KIRREL3: variants seen among roughly 807,000 people sequenced by gnomAD.
The protein encoded by KIRREL3 is kin of IRRE-like protein 3.
A neutral mutation model predicts 89.7 loss-of-function variants in KIRREL3; 36 were observed. The ratio of observed to expected loss-of-function variants is 0.40; its 90% CI spans 0.31 to 0.53. KIRREL3 has a LOEUF of 0.53. KIRREL3 is among the 20% of genes least tolerant of loss of function. The probability of loss-of-function intolerance (pLI) is 0.49; values close to 1 mark genes in which losing one functional copy is unlikely to be tolerated. For synonymous variants in KIRREL3, 445 were observed against 441.4 expected (o/e 1.01, Z -0.10); for missense variants, 864 against 1,056.6 (o/e 0.82, Z 2.53).
Position 126,622,314 on chromosome 11 carries a change from C to T in KIRREL3, c.56-59402G>A, listed in dbSNP as rs1943605228. On this transcript the variant is annotated intron_variant, in intron 1 of 16. Transcript: ENST00000525144. This position sits in a 1 kb window ranked among gnomAD's most constrained non-coding sequence, Gnocchi z 5.2. ...TGTTAAAAATGGTGACACATTTTAT[C>T]TCAAGTTGAACTTTGCATCCCCATT... 6.6e-6 allele frequency among the ~76,000 whole-genome samples: 1 copy of T among 152,196 alleles called. No homozygotes were observed. The highest frequency in any genetic ancestry group is 6.5e-5 in the Admixed American group (1 of 15,282).
intron 1 of KIRREL3, among the ~76,000 whole-genome samples, chr11:126,882,546 G>A (rs941859943): frequency 6.6e-6 from 1 of 152,120 alleles, no homozygotes; most frequent in African/African-American, 2.4e-5. Flanking sequence ...ATAGTCTGGA[G>A]GCATCCCAGT....
In KIRREL3 at chr11:126,999,182, T is replaced by G. The variant is rs1950253687; in HGVS notation, c.55+1273A>C. ...TGTGTGTGTGTGTGTACATACATTA[T>G]CATTATACACAGGCATTAGTATGCA... On this transcript the variant is annotated intron_variant, in intron 1 of 16. Coordinates refer to ENST00000525144, the MANE Select transcript of KIRREL3 (RefSeq NM_032531.4). The surrounding 1 kb of genome is among the most constrained non-coding windows in gnomAD (Gnocchi z 5.7). Among the ~76,000 whole-genome samples, 1 of 147,166 alleles carries G rather than the reference T, an allele frequency of 6.8e-6. No individual in the cohort carries two copies. The highest frequency in any genetic ancestry group is 1.5e-5 in the Non-Finnish European group (1 of 67,164).
At chr11:126,559,815 G>A (rs1239219423) in intron 2 of KIRREL3, among the ~76,000 whole-genome samples, 1 of 151,982 alleles carries the variant, frequency 6.6e-6, no homozygotes, top group Non-Finnish European at 1.5e-5. Flanking sequence ...GGCTACAGGT[G>A]CGCACCACCA....
intron 1 of KIRREL3, among the ~76,000 whole-genome samples, chr11:126,581,465 G>A (rs1442433661): frequency 6.6e-6 from 1 of 152,158 alleles, no homozygotes; most frequent in Non-Finnish European, 1.5e-5. Context: ...GCCTCCCAAA[G>A]TGCTGGGATT....
chr11:126,901,213 CAAA>C (rs58769659), intron 1 of KIRREL3, among the ~76,000 whole-genome samples: 5 of 86,028 alleles, frequency 5.8e-5, no homozygotes, highest in East Asian at 3.8e-4. Context: ...GATTCCGTCT[CAAA>C]AAAAAAAAAA....
chr11:126,755,583 T>A lies in KIRREL3; in HGVS notation c.56-192671A>T, dbSNP rs11220602. ...CAAAAGAAAAAACAGAAAAAAACAATAGGCCTACAATAGGAAAGGTCTGCG... is the reference window on the plus strand; with the variant it reads ...CAAAAGAAAAAACAGAAAAAAACAAAAGGCCTACAATAGGAAAGGTCTGCG... On this transcript the variant is annotated intron_variant, in intron 1 of 16. Transcript: ENST00000525144. This position sits in a 1 kb window ranked among gnomAD's most constrained non-coding sequence, Gnocchi z 4.3. Among the ~76,000 whole-genome samples the A allele has an allele frequency of 0.33, 49,910 of 151,724 alleles. 10,067 individuals are homozygous for A. The highest frequency in any genetic ancestry group is 0.79 in the East Asian group (4,086 of 5,170).
At chr11:126,451,304 G>A (rs550398956) in intron 7 of KIRREL3, among the ~76,000 whole-genome samples, 107 of 145,714 alleles carry the variant, frequency 7.3e-4, no homozygotes, top group African/African-American at 2.7e-3. Flanking sequence ...ATGTGTGCAT[G>A]TGTGTGCATG....
chr11:126,794,716 T>C (rs1454132631), intron 1 of KIRREL3, among the ~76,000 whole-genome samples: 1 of 152,238 alleles, frequency 6.6e-6, no homozygotes, highest in African/African-American at 2.4e-5. Context: ...AACAGAGTCT[T>C]ACCATGGGAT....
At chr11:126,828,848 G>A (rs1422994348) in intron 1 of KIRREL3, among the ~76,000 whole-genome samples, 1 of 152,120 alleles carries the variant, frequency 6.6e-6, no homozygotes, top group African/African-American at 2.4e-5. Flanking sequence ...GAGCAGTTGG[G>A]TTCCCCTGAA....
rs1334848465 is a variant in KIRREL3 at position 126,666,796 on chromosome 11, G to A, written c.56-103884C>T. Among the ~76,000 whole-genome samples the A allele has an allele frequency of 6.6e-6, 1 of 152,202 alleles. No homozygotes were observed. Among genetic ancestry groups the A allele is most frequent in the Non-Finnish European group, 1.5e-5 (1 of 68,042 alleles). The stretch of plus-strand genomic sequence containing the variant: ...AAAAGACCATGCTTTTGAGGAGCCA[G>A]TCACTGAGTTTCTCTGTTGATCAAT... On this transcript the variant is annotated intron_variant, in intron 1 of 16. Coordinates refer to ENST00000525144, the MANE Select transcript of KIRREL3 (RefSeq NM_032531.4). This position sits in a 1 kb window ranked among gnomAD's most constrained non-coding sequence, Gnocchi z 4.2.
chr11:126,823,039 G>A (rs1405418069), intron 1 of KIRREL3, among the ~76,000 whole-genome samples: 3 of 152,004 alleles, frequency 2.0e-5, no homozygotes, highest in Non-Finnish European at 4.4e-5. Flanking sequence ...TTTAATACTC[G>A]CTGGAGTATT....
rs539190264 is a variant in KIRREL3 at position 126,924,201 on chromosome 11, A to G, written c.55+76254T>C. On this transcript the variant is annotated intron_variant, in intron 1 of 16. Coordinates refer to ENST00000525144, the MANE Select transcript of KIRREL3 (RefSeq NM_032531.4). This position sits in a 1 kb window ranked among gnomAD's most constrained non-coding sequence, Gnocchi z 4.7. The stretch of plus-strand genomic sequence containing the variant: ...GGTTCCTTCCCCCTTTCCCTGGCTC[A>G]GGCCACCATCACCTTTGACCTGAAT... Among the ~76,000 whole-genome samples, 1 of 152,224 alleles carries G rather than the reference A, an allele frequency of 6.6e-6. No individual in the cohort carries two copies. The highest frequency in any genetic ancestry group is 2.4e-5 in the African/African-American group (1 of 41,526).
At chr11:126,465,259 GTC>G (rs370452817) in intron 5 of KIRREL3, among the ~76,000 whole-genome samples, 84 of 152,308 alleles carry the variant, frequency 5.5e-4, no homozygotes, top group African/African-American at 1.2e-3. Flanking sequence ...CAATGGCAAT[GTC>G]TCTAATTCTT....
At chr11:126,483,554 C>T (rs1410323787) in intron 4 of KIRREL3, among the ~76,000 whole-genome samples, 2 of 152,234 alleles carry the variant, frequency 1.3e-5, no homozygotes, top group Admixed American at 1.3e-4. Flanking sequence ...GATCCATTCT[C>T]CCTCCACTAT....
At chr11:126,758,699 G>A (rs1415184401) in intron 1 of KIRREL3, among the ~76,000 whole-genome samples, 1 of 152,210 alleles carries the variant, frequency 6.6e-6, no homozygotes, top group African/African-American at 2.4e-5. Context: ...GACCTTGCAT[G>A]ATAAGGTAAG....
chr11:126,635,905 A>G lies in KIRREL3; in HGVS notation c.56-72993T>C, dbSNP rs1362404309. ...ATTCCCAATATGAAAATAACAAACC[A>G]TTCTAGGGAACAACTTGGTTATTTT... On this transcript the variant is annotated intron_variant, in intron 1 of 16. Coordinates refer to ENST00000525144, the MANE Select transcript of KIRREL3 (RefSeq NM_032531.4). The surrounding 1 kb of genome is among the most constrained non-coding windows in gnomAD (Gnocchi z 4.0). 2.0e-5 allele frequency among the ~76,000 whole-genome samples: 3 copies of G among 152,192 alleles called. No individual in the cohort carries two copies. Among genetic ancestry groups the G allele is most frequent in the Non-Finnish European group, 4.4e-5 (3 of 68,032 alleles).
chr11:126,963,420 C>A (rs1187430250), intron 1 of KIRREL3, among the ~76,000 whole-genome samples: 3 of 151,968 alleles, frequency 2.0e-5, no homozygotes, highest in Non-Finnish European at 2.9e-5. Context: ...GAAGATAAAT[C>A]AACTGGAAAT....
intron 1 of KIRREL3, among the ~76,000 whole-genome samples, chr11:126,853,619 C>G (rs1358748840): frequency 6.6e-6 from 1 of 152,124 alleles, no homozygotes; most frequent in Non-Finnish European, 1.5e-5. Context: ...GCTTCCCCAG[C>G]CTAAGACAGC....
At position 126,768,303 on chromosome 11, in the gene KIRREL3, C is replaced by T. The variant is rs1283440623; in HGVS notation, c.56-205391G>A. On this transcript the variant is annotated intron_variant, in intron 1 of 16. Coordinates refer to ENST00000525144, the MANE Select transcript of KIRREL3 (RefSeq NM_032531.4). This position sits in a 1 kb window ranked among gnomAD's most constrained non-coding sequence, Gnocchi z 4.5. ...TCATCCATCCATCCATCCATCCATCCAATCTGTCCATCTGTCCATCCATAC... is the reference window on the plus strand; with the variant it reads ...TCATCCATCCATCCATCCATCCATCTAATCTGTCCATCTGTCCATCCATAC... 6.6e-6 allele frequency among the ~76,000 whole-genome samples: 1 copy of T among 152,088 alleles called. No homozygotes were observed. Among genetic ancestry groups the T allele is most frequent in the Non-Finnish European group, 1.5e-5 (1 of 68,008 alleles).
Sources: gnomAD v4.1 joint callset for allele counts (sites outside exome capture counted in the v4.1 genomes callset) on GRCh38, gnomAD v4.1.1 for gene constraint, Gnocchi (gnomAD v3.1) non-coding constraint, MANE v1.5 for transcripts, NCBI Gene and HGNC (gene_info 2026-07-23, HGNC 2026-07-21) for gene names.